The following CSNK1D variants were observed in gnomAD, a reference collection of about 807,000 sequenced individuals.
CSNK1D encodes casein kinase 1 delta.
In CSNK1D, 16 loss-of-function variants were observed where a neutral mutation model predicts 46.6. The ratio of observed to expected loss-of-function variants is 0.34; its 90% CI spans 0.23 to 0.52. The LOEUF (loss-of-function observed/expected upper bound fraction) is 0.52. CSNK1D is among the 20% of genes least tolerant of loss of function. CSNK1D has a pLI of 0.95. For missense variants in CSNK1D, 398 were observed against 578.4 expected (o/e 0.69, Z 3.20); for synonymous variants, 276 against 228.2 (o/e 1.21, Z -1.89).
Position 82,273,325 on chromosome 17 carries a change from G to A in CSNK1D, c.57C>T (p.Ser19=), listed in dbSNP as rs760442608. The change falls in exon 1 of 9, where the codon TCC becomes TCT. Residue 19 remains serine (S), a synonymous_variant. Coordinates refer to ENST00000314028, the MANE Select transcript of CSNK1D (RefSeq NM_001893.6). This position sits in a 1 kb window ranked among gnomAD's most constrained non-coding sequence, Gnocchi z 5.1. ...YRLGRKIGSG[S]FGDIYLGTDI... ...CCTCACCGAGATAGATGTCTCCGAAGGAGCCGCTGCCGATCTTCCGGCCCA... is the reference window on the plus strand; with the variant it reads ...CCTCACCGAGATAGATGTCTCCGAAAGAGCCGCTGCCGATCTTCCGGCCCA... 86 of 1,609,586 alleles carry A rather than the reference G, an allele frequency of 5.3e-5. No homozygotes were observed. The highest frequency in any genetic ancestry group is 7.2e-5 in the Non-Finnish European group (85 of 1,179,144).
intron 2 of CSNK1D, chr17:82,265,288 C>A: frequency 3.1e-6 from 1 of 320,868 alleles, no homozygotes; most frequent in Non-Finnish European, 6.1e-6. Context: ...AGGCGATTCT[C>A]CTGCCTCAGC....
At chr17:82,264,080 G>A (rs994641924) in intron 2 of CSNK1D, among the ~76,000 whole-genome samples, 3 of 152,252 alleles carry the variant, frequency 2.0e-5, no homozygotes, top group African/African-American at 7.2e-5. Context: ...GTTTCTTGTA[G>A]TAGCACAGAT....
rs557747031 is a variant in CSNK1D at position 82,271,432 on chromosome 17, CA to C, written c.76+1873del. ...AATGGACTGGCTTTGCAGTGTAACTCAGATCCTGGGGTTAAAACTTTCGCCA... is the reference window on the plus strand; with the variant it reads ...AATGGACTGGCTTTGCAGTGTAACTCGATCCTGGGGTTAAAACTTTCGCCA... On this transcript the variant is annotated intron_variant, in intron 1 of 8. Coordinates refer to ENST00000314028, the MANE Select transcript of CSNK1D (RefSeq NM_001893.6). Among the ~76,000 whole-genome samples, 33 of 152,350 alleles carry C rather than the reference CA, an allele frequency of 2.2e-4. No individual in the cohort carries two copies. In the South Asian group the frequency reaches 6.6e-3, roughly 31 times the overall value.
rs2051034570 is a variant in CSNK1D, at chr17:82,252,343, G to A, written c.736+91C>T. 2.7e-6 allele frequency: 4 copies of A among 1,495,836 alleles called. No individual in the cohort carries two copies. The highest frequency in any genetic ancestry group is 2.8e-5 in the African/African-American group (2 of 72,446). 92.7% of individuals were successfully genotyped at this position (1,495,836 alleles called of 1,614,324 possible). A position where few individuals can be genotyped will look rare whatever the true frequency, so the allele number is the denominator to read the frequency against. On this transcript the variant is annotated intron_variant, in intron 5 of 8. Transcript: ENST00000314028. This position sits in a 1 kb window ranked among gnomAD's most constrained non-coding sequence, Gnocchi z 4.6. Reference sequence around the variant, plus strand: ...CCTTTGGAAGGTGAGCAACTCTTCTGACAAAACCCAGACTGAGCCGTCTCG... The same window carrying A: ...CCTTTGGAAGGTGAGCAACTCTTCTAACAAAACCCAGACTGAGCCGTCTCG...
In CSNK1D at chr17:82,251,269, G is replaced by T. The variant is rs2051000674; in HGVS notation, c.885+110C>A. On this transcript the variant is annotated intron_variant, in intron 6 of 8. Transcript: ENST00000314028. The surrounding 1 kb of genome is among the most constrained non-coding windows in gnomAD (Gnocchi z 4.5). ...ACTACACACTTGCCCTTCACAACCA[G>T]AGACACTCCCTATATGGTACAGCCC... 3 of 1,329,882 alleles carry T rather than the reference G, an allele frequency of 2.3e-6. No homozygotes were observed. The highest frequency in any genetic ancestry group is 2.9e-5 in the African/African-American group (2 of 69,146). The allele number at this position is 1,329,882 out of a possible 1,614,324, so 82.4% of individuals were successfully genotyped here.
At chr17:82,267,342 A>AAAGCAG (rs1396845820) in intron 1 of CSNK1D, among the ~76,000 whole-genome samples, 1 of 152,210 alleles carries the variant, frequency 6.6e-6, no homozygotes, top group East Asian at 1.9e-4. Flanking sequence ...TCCCTGATGA[A>AAAGCAG]AAGCAGAGTA....
intron 3 of CSNK1D, among the ~76,000 whole-genome samples, chr17:82,254,965 C>A (rs2051133663): frequency 7.0e-6 from 1 of 143,768 alleles, no homozygotes; most frequent in Non-Finnish European, 1.5e-5. Context: ...GTGAGCTGAG[C>A]CGCCGGAGCC....
chr17:82,251,223 C>CA lies in CSNK1D; in HGVS notation c.885+155dup, dbSNP rs1054107489. The stretch of plus-strand genomic sequence containing the variant: ...CACCCCTTTCTGGCAGGCAGACACC[C>CA]ACTCAGTCCAGGTCCTGCCCACTAC... On this transcript the variant is annotated intron_variant, in intron 6 of 8. Coordinates refer to ENST00000314028, the MANE Select transcript of CSNK1D (RefSeq NM_001893.6). The surrounding 1 kb of genome is among the most constrained non-coding windows in gnomAD (Gnocchi z 4.5). 2.4e-6 allele frequency: 2 copies of CA among 826,670 alleles called. No homozygotes were observed. The highest frequency in any genetic ancestry group is 3.9e-6 in the Non-Finnish European group (2 of 511,136). The allele number at this position is 826,670 out of a possible 1,614,324, so 51.2% of individuals were successfully genotyped here. A position where few individuals can be genotyped will look rare whatever the true frequency, so the allele number is the denominator to read the frequency against.
rs1469623094 is a variant in CSNK1D, at chr17:82,249,910, G to C, written c.886-308C>G. On this transcript the variant is annotated intron_variant, in intron 6 of 8. Transcript: ENST00000314028. This position sits in a 1 kb window ranked among gnomAD's most constrained non-coding sequence, Gnocchi z 6.7. ...CAGCAGCTACCCCCTGCTGCTCTGT[G>C]AACATGCTCACTAACACGTGCAGAA... 1 of 1,346,198 alleles carries C rather than the reference G, an allele frequency of 7.4e-7. No individual in the cohort carries two copies. Among genetic ancestry groups the C allele is most frequent in the East Asian group, 3.1e-5 (1 of 31,854 alleles). 83.4% of individuals were successfully genotyped at this position (1,346,198 alleles called of 1,614,324 possible). A position where few individuals can be genotyped will look rare whatever the true frequency, so the allele number is the denominator to read the frequency against.
At position 82,244,338 on chromosome 17, in the gene CSNK1D, G is replaced by A. The variant is rs2147149019; in HGVS notation, c.*443C>T. On this transcript the variant is annotated 3_prime_UTR_variant, in exon 9 of 9. Coordinates refer to ENST00000314028, the MANE Select transcript of CSNK1D (RefSeq NM_001893.6). ...TTTTTTTTGTAAGACTGCAAAAACA[G>A]ACAAGAAACAATAAAAAGACAGATT... The A allele has an allele frequency of 1.8e-6, 2 of 1,102,784 alleles. No homozygotes were observed. Among genetic ancestry groups the A allele is most frequent in the Non-Finnish European group, 2.2e-6 (2 of 897,196 alleles). 68.3% of individuals were successfully genotyped at this position (1,102,784 alleles called of 1,614,324 possible). A position where few individuals can be genotyped will look rare whatever the true frequency, so the allele number is the denominator to read the frequency against.
Position 82,273,268 on chromosome 17 carries a change from G to T in CSNK1D, c.76+38C>A. The stretch of plus-strand genomic sequence containing the variant: ...CTTGGTCTTGGCAGCCGCAGGGCCC[G>T]GGTCTTCGGGCGGCGGGCGGGGGCG... On this transcript the variant is annotated intron_variant, in intron 1 of 8. Coordinates refer to ENST00000314028, the MANE Select transcript of CSNK1D (RefSeq NM_001893.6). This position sits in a 1 kb window ranked among gnomAD's most constrained non-coding sequence, Gnocchi z 5.1. 1 of 1,571,950 alleles carries T rather than the reference G, an allele frequency of 6.4e-7. No individual in the cohort carries two copies. The highest frequency in any genetic ancestry group is 1.1e-5 in the South Asian group (1 of 89,038).
intron 3 of CSNK1D, chr17:82,254,344 C>A (rs1230995065): frequency 3.3e-6 from 1 of 302,124 alleles, no homozygotes; most frequent in African/African-American, 2.6e-5. Flanking sequence ...CTCGAGAAGC[C>A]AGTGCGCTGA....
At chr17:82,240,081 G>C, downstream of CSNK1D, 1 of 1,233,520 alleles carries the variant, frequency 8.1e-7, no homozygotes, top group Non-Finnish European at 1.0e-6. Flanking sequence ...AAAAGCAAGC[G>C]AAAAGTGCAC....
chr17:82,248,121 G>A lies in CSNK1D; in HGVS notation c.1197+754C>T. 2 of 985,532 alleles carry A rather than the reference G, an allele frequency of 2.0e-6. No homozygotes were observed. Among genetic ancestry groups the A allele is most frequent in the Non-Finnish European group, 2.4e-6 (2 of 829,984 alleles). The allele number at this position is 985,532 out of a possible 1,614,324, so 61.0% of individuals were successfully genotyped here. A position where few individuals can be genotyped will look rare whatever the true frequency, so the allele number is the denominator to read the frequency against. On this transcript the variant is annotated intron_variant, in intron 8 of 8. Transcript: ENST00000314028. The surrounding 1 kb of genome is among the most constrained non-coding windows in gnomAD (Gnocchi z 4.1). ...CGTGGGGGATCTGGGCACCCCCCAG[G>A]ATGCCTGCTGGTGAAACAGCCCTGC...
chr17:82,266,863 A>G (rs1175085338), intron 1 of CSNK1D: 1 of 152,176 alleles, frequency 6.6e-6, no homozygotes. Context: ...GATTGAGACC[A>G]TCCTGGCTAA....
chr17:82,273,196 CTTG>C lies in CSNK1D; in HGVS notation c.76+107_76+109del. ...TGGCCACGATCCGGCGGTGCCGGGA[CTTG>C]CGCGGAGACCCCGCGGGGGCCACCA... On this transcript the variant is annotated intron_variant, in intron 1 of 8. Transcript: ENST00000314028. The surrounding 1 kb of genome is among the most constrained non-coding windows in gnomAD (Gnocchi z 5.1). 8.6e-7 allele frequency: 1 copy of C among 1,156,826 alleles called. No homozygotes were observed. The highest frequency in any genetic ancestry group is 1.2e-6 in the Non-Finnish European group (1 of 815,296). The allele number at this position is 1,156,826 out of a possible 1,614,324, so 71.7% of individuals were successfully genotyped here. A position where few individuals can be genotyped will look rare whatever the true frequency, so the allele number is the denominator to read the frequency against.
chr17:82,262,296 G>A (rs921640647), intron 2 of CSNK1D, among the ~76,000 whole-genome samples: 1 of 152,198 alleles, frequency 6.6e-6, no homozygotes, highest in African/African-American at 2.4e-5. Context: ...GGGCTAGAAT[G>A]CCCAAGTTCA....
In CSNK1D at chr17:82,248,190, T is replaced by C. The variant is rs1422925289; in HGVS notation, c.1197+685A>G. ...GTTGGCGAACAACCCAGAAAACTATTTGAAGAAATATAATGGATCCATATG... is the reference window on the plus strand; with the variant it reads ...GTTGGCGAACAACCCAGAAAACTATCTGAAGAAATATAATGGATCCATATG... On this transcript the variant is annotated intron_variant, in intron 8 of 8. Coordinates refer to ENST00000314028, the MANE Select transcript of CSNK1D (RefSeq NM_001893.6). This position sits in a 1 kb window ranked among gnomAD's most constrained non-coding sequence, Gnocchi z 4.1. The C allele has an allele frequency of 5.1e-6, 5 of 985,314 alleles. No individual in the cohort carries two copies. Among genetic ancestry groups the C allele is most frequent in the Non-Finnish European group, 6.0e-6 (5 of 829,986 alleles). 61.0% of individuals were successfully genotyped at this position (985,314 alleles called of 1,614,324 possible).
At position 82,255,664 on chromosome 17, in the gene CSNK1D, T is replaced by C; in HGVS notation, c.188-87A>G. The C allele has an allele frequency of 2.0e-6, 3 of 1,537,712 alleles. No individual in the cohort carries two copies. The highest frequency in any genetic ancestry group is 2.7e-6 in the Non-Finnish European group (3 of 1,112,824). On this transcript the variant is annotated intron_variant, in intron 2 of 8. Transcript: ENST00000314028. This position sits in a 1 kb window ranked among gnomAD's most constrained non-coding sequence, Gnocchi z 5.9. ...CTGCACTGTGCACACCAAGGGGTCA[T>C]GGTGACAATCCTGAACGGGGGAGGG... is the stretch of plus-strand genomic sequence containing the variant.
Sources: gnomAD v4.1 joint callset for allele counts (sites outside exome capture counted in the v4.1 genomes callset) on GRCh38, gnomAD v4.1.1 for gene constraint, Gnocchi (gnomAD v3.1) non-coding constraint, MANE v1.5 for transcripts, NCBI Gene and HGNC (gene_info 2026-07-23, HGNC 2026-07-21) for gene names.